DNAH6: variants seen among roughly 807,000 people sequenced by gnomAD.
DNAH6 encodes the protein axonemal beta dynein heavy chain 6.
In DNAH6, 340 loss-of-function variants were observed where a neutral mutation model predicts 491.4. The observed-to-expected ratio is 0.69, with a 90% CI of 0.63 to 0.76. DNAH6 has a LOEUF of 0.76. Ranked by LOEUF, DNAH6 falls within the 30% of genes least tolerant of loss-of-function variation. The pLI is 0.00. For missense variants in DNAH6, 4,443 were observed against 4,972.2 expected, an observed-to-expected ratio of 0.89 and a Z score of 3.20; for synonymous variants, 1,603 against 1,686.1, an observed-to-expected ratio of 0.95 and a Z score of 1.21.
chr2:84,701,042 C>A, intron 48 of DNAH6, 55 bp from the exon 49 acceptor site: 1 of 1,532,074 alleles, frequency 6.5e-7, no homozygotes, highest in South Asian at 1.2e-5. Flanking sequence ...TGGTATTAAA[C>A]TGTATGTTAT....
chr2:84,484,896 C>G, the DNAH6 span, among the ~76,000 whole-genome samples: 4 of 152,254 alleles, frequency 2.6e-5, no homozygotes, highest in African/African-American at 9.6e-5. Flanking sequence ...GTTGCAAATA[C>G]CAGACTAAAT....
rs985620523 is a variant in DNAH6 at position 84,784,827 on chromosome 2, G to T, written c.10953+17G>T. 5 of 1,490,814 alleles carry T rather than the reference G, an allele frequency of 3.4e-6. No individual in the cohort carries two copies. The African/African-American group carries it at 4.2e-5, about 12-fold the overall frequency. 92.3% of individuals were successfully genotyped at this position (1,490,814 alleles called of 1,614,324 possible). A position where few individuals can be genotyped will look rare whatever the true frequency, so the allele number is the denominator to read the frequency against. On this transcript the variant is annotated intron_variant, in intron 66 of 76. Transcript: ENST00000389394. ...TCTGTCAAGGTAATGTATGCATATG[G>T]TTGGAACAATGTGAAATGGTTGGTT...
At chr2:84,460,694 T>C in the DNAH6 span, among the ~76,000 whole-genome samples, 1 of 73,546 alleles carries the variant, frequency 1.4e-5, no homozygotes, top group Non-Finnish European at 3.9e-5. Context: ...AGTATATAGA[T>C]TATTTTTTGG....
the DNAH6 span, among the ~76,000 whole-genome samples, chr2:84,464,134 A>C: frequency 6.6e-6 from 1 of 152,072 alleles, no homozygotes; most frequent in African/African-American, 2.4e-5. Flanking sequence ...ACATCCTTCT[A>C]TCTGGTCCTT....
At chr2:84,612,931 G>T (rs2104349387) in intron 22 of DNAH6, among the ~76,000 whole-genome samples, 1 of 152,076 alleles carries the variant, frequency 6.6e-6, no homozygotes, top group Admixed American at 6.6e-5. Flanking sequence ...ACATTGTGCT[G>T]GGAAAACTAG....
chr2:84,635,985 C>T (rs1259006884), intron 30 of DNAH6, among the ~76,000 whole-genome samples: 1 of 152,132 alleles, frequency 6.6e-6, no homozygotes, highest in Non-Finnish European at 1.5e-5. Context: ...CTATTAATCC[C>T]AGAATCTAAG....
chr2:84,718,238 G>A lies in DNAH6; in HGVS notation c.9646G>A (p.Glu3216Lys). The A allele has an allele frequency of 6.5e-7, 1 of 1,541,184 alleles. No individual in the cohort carries two copies. Among genetic ancestry groups the A allele is most frequent in the East Asian group, 2.5e-5 (1 of 40,632 alleles). ...VVRLEKPRLE[E>K]QRIKLIVRIN... Reference sequence around the variant, plus strand: ...GCGACTTGAAAAACCCAGGTTGGAAGAACAAAGAATTAAGCTCATCGTGAG... The same window carrying A: ...GCGACTTGAAAAACCCAGGTTGGAAAAACAAAGAATTAAGCTCATCGTGAG... The change falls in exon 59 of 77, where the codon GAA (glutamate) becomes AAA (lysine). Residue 3216 changes from glutamate to lysine, a missense_variant. Physicochemically the swap from Glu to Lys is moderately conservative, Grantham distance 56. Transcript: ENST00000389394.
At chr2:84,795,375 A>G (rs890800298) in intron 68 of DNAH6, among the ~76,000 whole-genome samples, 2 of 152,190 alleles carry the variant, frequency 1.3e-5, no homozygotes, top group African/African-American at 2.4e-5. Flanking sequence ...TAAATTTATT[A>G]GTTTGTGTAC....
At position 84,650,550 on chromosome 2, in the gene DNAH6, T is replaced by G. The variant is rs1690361818; in HGVS notation, c.5079-2769T>G. Among the ~76,000 whole-genome samples the G allele has an allele frequency of 2.6e-5, 4 of 152,072 alleles. No individual in the cohort carries two copies. In the South Asian group the frequency reaches 8.3e-4, roughly 32 times the overall value. On this transcript the variant is annotated intron_variant, in intron 33 of 76. Coordinates refer to ENST00000389394, the MANE Select transcript of DNAH6 (RefSeq NM_001370.2). The stretch of plus-strand genomic sequence containing the variant: ...CTTATATTCTTTTGTTTCTATTGTG[T>G]TCATAATGGGTCCTTAAAACATTTT...
chr2:84,771,352 C>A (rs1039622808), intron 64 of DNAH6, among the ~76,000 whole-genome samples: 1 of 150,876 alleles, frequency 6.6e-6, no homozygotes, highest in Admixed American at 6.6e-5. Flanking sequence ...ATCAACCATA[C>A]CAACATACAC....
chr2:84,486,753 A>G, the DNAH6 span, among the ~76,000 whole-genome samples: 1 of 152,160 alleles, frequency 6.6e-6, no homozygotes, highest in Non-Finnish European at 1.5e-5. Context: ...TTATTTCACC[A>G]CATATGCAAT....
intron 11 of DNAH6, among the ~76,000 whole-genome samples, 181 bp downstream of exon 11, chr2:84,558,116 T>C (rs965950605): frequency 2.6e-5 from 4 of 152,084 alleles, no homozygotes; most frequent in African/African-American, 9.7e-5. Context: ...CTGTTAAGCA[T>C]GAAATAATTT....
chr2:84,806,001 G>T (rs1330663387), intron 71 of DNAH6, among the ~76,000 whole-genome samples: 1 of 152,086 alleles, frequency 6.6e-6, no homozygotes, highest in Non-Finnish European at 1.5e-5. Flanking sequence ...GAGGAAATTG[G>T]TTTCCAGCTC....
chr2:84,480,845 C>G, the DNAH6 span, among the ~76,000 whole-genome samples: 1 of 152,108 alleles, frequency 6.6e-6, no homozygotes, highest in Non-Finnish European at 1.5e-5. Context: ...CATCTGTAAT[C>G]CCAGCTACTG....
rs557507413 is a variant in DNAH6 at position 84,748,962 on chromosome 2, G to C, written c.10512+3713G>C. Among the ~76,000 whole-genome samples, 3 of 152,274 alleles carry C rather than the reference G, an allele frequency of 2.0e-5. No homozygotes were observed. The South Asian group carries it at 6.2e-4, about 32-fold the overall frequency. ...GGGGAGCAAACATGTCACACGGTGT[G>C]AGAGAGAGCAAGAAAGAGGGGAGAG... On this transcript the variant is annotated intron_variant, in intron 63 of 76. Transcript: ENST00000389394.
At chr2:84,505,423 TTC>T in the DNAH6 span, among the ~76,000 whole-genome samples, 7 of 152,314 alleles carry the variant, frequency 4.6e-5, no homozygotes, top group East Asian at 1.3e-3. Context: ...CTTACTTTAT[TTC>T]TAATCTTAGC....
Position 84,611,777 on chromosome 2 carries a change from A to G in DNAH6, c.3398A>G (p.Gln1133Arg), listed in dbSNP as rs1460652017. ...CCTGCAGAGGCCAAGATGTTCCTTC[A>G]GGTGGATAAGTCATGGAAAGAAATC... ...QLPAEAKMFL[Q>R]VDKSWKEIMR... The change falls in exon 22 of 77, where the codon CAG (glutamine) becomes CGG (arginine). Residue 1133 changes from glutamine (Q) to arginine (R), a missense_variant. Physicochemically the swap from Gln to Arg is conservative, Grantham distance 43. This residue lies in a region of DNAH6 where 2,977 missense variants were observed against 3,296.6 expected (regional missense o/e 0.90). Coordinates refer to ENST00000389394, the MANE Select transcript of DNAH6 (RefSeq NM_001370.2). The G allele has an allele frequency of 1.9e-6, 3 of 1,551,138 alleles. No individual in the cohort carries two copies. The highest frequency in any genetic ancestry group is 2.0e-5 in the Admixed American group (1 of 50,956).
intron 11 of DNAH6, among the ~76,000 whole-genome samples, chr2:84,569,955 G>T (rs1681605091): frequency 6.6e-6 from 1 of 151,690 alleles, no homozygotes; most frequent in Admixed American, 6.6e-5. Context: ...TTGTATGTGG[G>T]GTGTATGTGC....
In DNAH6 at chr2:84,660,281, A is replaced by G. The variant is rs927354992; in HGVS notation, c.6084+1112A>G. Among the ~76,000 whole-genome samples, 48 of 152,204 alleles carry G rather than the reference A, an allele frequency of 3.2e-4. 1 individual carries two copies. Among genetic ancestry groups the G allele is most frequent in the Admixed American group, 1.0e-3 (16 of 15,274 alleles). ...CAAAAGAACACAGAAGGCAGTTTGA[A>G]GAGACTTCCACTGGTCAAAAATGGA... On this transcript the variant is annotated intron_variant, in intron 37 of 76. Transcript: ENST00000389394.
Sources: allele counts gnomAD v4.1 joint callset (sites outside exome capture counted in the v4.1 genomes callset), GRCh38; gene constraint gnomAD v4.1.1; regional missense constraint gnomAD v4.1.1; transcripts MANE v1.5; gene names NCBI Gene and HGNC (gene_info 2026-07-23, HGNC 2026-07-21).